Variants in MCUB observed in about 807,000 individuals in gnomAD.
The protein encoded by MCUB is mitochondrial calcium uniporter dominant negative subunit beta.
Under a neutral mutation model 41.4 loss-of-function variants are expected in MCUB, and 46 were observed. That is an observed-to-expected ratio of 1.11 (90% CI 0.88 to 1.42). The LOEUF (loss-of-function observed/expected upper bound fraction) is 1.42, where lower values mean the gene tolerates loss of function less well. Among genes scored for constraint, MCUB ranks in the 40% most tolerant of loss-of-function variants. The pLI is 0.00. For missense variants in MCUB, 403 were observed against 404.9 expected (o/e 1.00, Z 0.04); for synonymous variants, 148 against 148.2 (o/e 1.00, Z 0.01).
At chr4:109,561,705 A>G (rs11941754) in intron 1 of MCUB, among the ~76,000 whole-genome samples, 1,878 of 152,282 alleles carry the variant, frequency 0.012, 35 homozygotes, top group African/African-American at 0.042. Flanking sequence ...ACAACCCAAT[A>G]CGAGGAACCC....
At chr4:109,605,799 T>C (rs535582913) in intron 1 of MCUB, among the ~76,000 whole-genome samples, 1 of 152,346 alleles carries the variant, frequency 6.6e-6, no homozygotes, top group East Asian at 1.9e-4. Context: ...TCTTGTCTCT[T>C]ATAGTTTTTG....
intron 1 of MCUB, among the ~76,000 whole-genome samples, chr4:109,568,630 C>T (rs1726837620): frequency 6.6e-6 from 1 of 152,186 alleles, no homozygotes; most frequent in Non-Finnish European, 1.5e-5. Context: ...CGTGAGGTCT[C>T]TTCAGATCTC....
intron 4 of MCUB, among the ~76,000 whole-genome samples, chr4:109,675,149 G>T (rs1358670722): frequency 6.6e-6 from 1 of 152,214 alleles, no homozygotes; most frequent in Non-Finnish European, 1.5e-5. Context: ...CCTTTATTAG[G>T]AAATGCCACA....
intron 4 of MCUB, among the ~76,000 whole-genome samples, chr4:109,667,652 TAATA>T (rs1014285382): frequency 4.4e-4 from 66 of 150,600 alleles, no homozygotes; most frequent in Admixed American, 1.5e-3. Flanking sequence ...ATACTCTACA[TAATA>T]AATATTCTAC....
intron 1 of MCUB, among the ~76,000 whole-genome samples, chr4:109,604,640 T>C (rs144421125): frequency 6.6e-6 from 1 of 152,214 alleles, no homozygotes; most frequent in Non-Finnish European, 1.5e-5. Flanking sequence ...AGTATGATAC[T>C]AACTGTGGGT....
At chr4:109,574,815 G>C (rs900100622) in intron 1 of MCUB, among the ~76,000 whole-genome samples, 1 of 152,188 alleles carries the variant, frequency 6.6e-6, no homozygotes, top group Non-Finnish European at 1.5e-5. Context: ...CACTGATAAC[G>C]AAGTGCTCAT....
At chr4:109,653,066 T>G (rs1335261265) in intron 1 of MCUB, among the ~76,000 whole-genome samples, 2 of 152,184 alleles carry the variant, frequency 1.3e-5, no homozygotes, top group African/African-American at 2.4e-5. Flanking sequence ...CACATATAAA[T>G]GTATATTTAA....
At chr4:109,581,115 C>G (rs1727163655) in intron 1 of MCUB, among the ~76,000 whole-genome samples, 1 of 152,292 alleles carries the variant, frequency 6.6e-6, no homozygotes, top group South Asian at 2.1e-4. Flanking sequence ...CATCATGCGA[C>G]CTGACTTCAA....
chr4:109,600,104 G>T (rs190206959), intron 1 of MCUB, among the ~76,000 whole-genome samples: 2 of 152,328 alleles, frequency 1.3e-5, no homozygotes, highest in Admixed American at 6.5e-5. Flanking sequence ...TATCTAGGCT[G>T]TGATGAACAA....
At chr4:109,586,983 C>T (rs544301808) in intron 1 of MCUB, among the ~76,000 whole-genome samples, 4 of 152,242 alleles carry the variant, frequency 2.6e-5, no homozygotes, top group Non-Finnish European at 5.9e-5. Context: ...AACTACTGCT[C>T]TCTTCAGAGC....
At chr4:109,639,349 C>CT (rs1728666489) in intron 1 of MCUB, among the ~76,000 whole-genome samples, 1 of 143,506 alleles carries the variant, frequency 7.0e-6, no homozygotes, top group African/African-American at 2.9e-5. Context: ...TGAAAGGAAT[C>CT]CTTTTTTTTT....
chr4:109,583,511 G>A (rs111790282), intron 1 of MCUB, among the ~76,000 whole-genome samples: 1 of 152,270 alleles, frequency 6.6e-6, no homozygotes, highest in African/African-American at 2.4e-5. Flanking sequence ...TCTGCAGACA[G>A]GAACAATTTG....
At chr4:109,651,381 A>C (rs376520980) in intron 1 of MCUB, among the ~76,000 whole-genome samples, 1 of 152,188 alleles carries the variant, frequency 6.6e-6, no homozygotes, top group African/African-American at 2.4e-5. Context: ...ATCCATGCCC[A>C]GCCCTAGAAT....
chr4:109,593,749 G>A (rs1727492627), intron 1 of MCUB, among the ~76,000 whole-genome samples: 1 of 152,072 alleles, frequency 6.6e-6, no homozygotes, highest in African/African-American at 2.4e-5. Context: ...ATAAAAGCAA[G>A]CTAATTATGT....
rs180888205 is a variant in MCUB at position 109,678,025 on chromosome 4, G to C, written c.452-4557G>C. ...TTAGGGAGTGGTGATGACTCTTAAC[G>C]AGTATGCTGCCTTCAGGCATCTGTT... On this transcript the variant is annotated intron_variant, in intron 4 of 7. Transcript: ENST00000394650. 7.3e-4 allele frequency among the ~76,000 whole-genome samples: 111 copies of C among 151,946 alleles called. No homozygotes were observed. The Middle Eastern group carries it at 0.014, about 19-fold the overall frequency.
chr4:109,666,357 T>A (rs1240073823), intron 4 of MCUB, among the ~76,000 whole-genome samples: 1 of 152,154 alleles, frequency 6.6e-6, no homozygotes, highest in African/African-American at 2.4e-5. Context: ...AGTGTTTAGT[T>A]TTGTGTAAAA....
At position 109,682,726 on chromosome 4, in the gene MCUB, T is replaced by G; in HGVS notation, c.596T>G (p.Leu199Arg). Residue 199 changes from leucine (L) to arginine (R), a missense_variant, in exon 5 of 8, where the codon CTG (leucine) becomes CGG (arginine). Physicochemically the swap from Leu to Arg is moderately radical, Grantham distance 102. Transcript: ENST00000394650. Reference protein sequence around the residue: ...LEKIDHLKEQLQPLEQVKAGI... With the variant: ...LEKIDHLKEQRQPLEQVKAGI... Reference sequence around the variant, plus strand: ...AAAATTGACCACCTGAAGGAACAGCTGCAGCCCCTTGAACAGGTTAGGAAG... The same window carrying G: ...AAAATTGACCACCTGAAGGAACAGCGGCAGCCCCTTGAACAGGTTAGGAAG... 6.2e-7 allele frequency: 1 copy of G among 1,613,652 alleles called. No individual in the cohort carries two copies. The highest frequency in any genetic ancestry group is 8.5e-7 in the Non-Finnish European group (1 of 1,179,642).
At chr4:109,610,475 A>G (rs1727981842) in intron 1 of MCUB, among the ~76,000 whole-genome samples, 1 of 152,202 alleles carries the variant, frequency 6.6e-6, no homozygotes, top group African/African-American at 2.4e-5. Context: ...TAAGACGAAT[A>G]TGATGAAATA....
intron 1 of MCUB, among the ~76,000 whole-genome samples, chr4:109,603,914 T>C (rs1727809357): frequency 6.6e-6 from 1 of 152,220 alleles, no homozygotes; most frequent in Non-Finnish European, 1.5e-5. Context: ...GAACGGGCCA[T>C]GATGACGATG....
Sources: allele counts gnomAD v4.1 joint callset (sites outside exome capture counted in the v4.1 genomes callset), GRCh38; gene constraint gnomAD v4.1.1; transcripts MANE v1.5; gene names NCBI Gene and HGNC (gene_info 2026-07-23, HGNC 2026-07-21).